The following TP53I13 variants were observed in gnomAD, a reference collection of about 807,000 sequenced individuals.
TP53I13 encodes tumor protein p53-inducible protein 13.
TP53I13 carries 27 observed loss-of-function variants against 39.1 expected under a neutral mutation model. The ratio of observed to expected loss-of-function variants is 0.69; its 90% CI spans 0.51 to 0.95. The LOEUF (loss-of-function observed/expected upper bound fraction) is 0.95. Among genes scored for constraint, TP53I13 ranks in the 40% least tolerant of loss-of-function variants. The pLI is 0.00. For synonymous variants in TP53I13, 230 were observed against 224.6 expected, an observed-to-expected ratio of 1.02 and a Z score of -0.22; for missense variants, 544 against 520.4, an observed-to-expected ratio of 1.05 and a Z score of -0.44.
chr17:29,575,840 G>A, downstream of TP53I13: 1 of 1,612,824 alleles, frequency 6.2e-7, no homozygotes, highest in South Asian at 1.1e-5. This position sits in a 1 kb window ranked among gnomAD's most constrained non-coding sequence, Gnocchi z 5.5. Flanking sequence ...CTGGGAGCAG[G>A]ACAGCAGCGG....
the TP53I13 span, chr17:29,578,598 T>G: frequency 1.1e-6 from 1 of 902,474 alleles, no homozygotes; most frequent in South Asian, 1.3e-5. Flanking sequence ...AGGGGACTGC[T>G]GAGGCCAGTG....
At chr17:29,581,466 C>G in the TP53I13 span, 27 of 1,075,152 alleles carry the variant, frequency 2.5e-5, no homozygotes, top group Non-Finnish European at 3.8e-5. This position sits in a 1 kb window ranked among gnomAD's most constrained non-coding sequence, Gnocchi z 4.8. Flanking sequence ...ATGAGCAGGG[C>G]TGGCACCCAG....
upstream of TP53I13, chr17:29,566,868 G>A (rs1455287551): frequency 6.6e-7 from 1 of 1,504,752 alleles, no homozygotes; most frequent in Admixed American, 2.1e-5. Flanking sequence ...TCCTCTCTCC[G>A]ACGGCGCGCC....
At chr17:29,577,923 G>A (rs537662404), downstream of TP53I13, among the ~76,000 whole-genome samples, 4 of 152,358 alleles carry the variant, frequency 2.6e-5, no homozygotes, top group South Asian at 2.1e-4. Context: ...GGGCGTGGCC[G>A]GCTGGGGACA....
At chr17:29,566,857 G>A, upstream of TP53I13, 4 of 1,509,864 alleles carry the variant, frequency 2.6e-6, no homozygotes, top group South Asian at 4.9e-5. Context: ...CCCCGGCAGG[G>A]TCCTCTCTCC....
chr17:29,582,220 T>C, the TP53I13 span: 1 of 1,145,630 alleles, frequency 8.7e-7, no homozygotes, highest in Non-Finnish European at 1.2e-6. Context: ...GCACCCTGGC[T>C]GCCCCTGGGA....
chr17:29,567,455 G>C (rs1041651373), upstream of TP53I13: 6 of 151,926 alleles, frequency 3.9e-5, no homozygotes. The surrounding 1 kb of genome is among the most constrained non-coding windows in gnomAD (Gnocchi z 6.6). Context: ...GGGACCCCGT[G>C]GGGCGGCGGC....
chr17:29,571,335 C>T, intron 3 of TP53I13: 1 of 505,024 alleles, frequency 2.0e-6, no homozygotes, highest in Non-Finnish European at 3.6e-6. Context: ...TGGTCTGAGT[C>T]TGGCAGGATT....
In TP53I13 at chr17:29,572,451, C is replaced by A; in HGVS notation, c.823C>A (p.Gln275Lys). 7 of 1,577,484 alleles carry A rather than the reference C, an allele frequency of 4.4e-6. No individual in the cohort carries two copies. Among genetic ancestry groups the A allele is most frequent in the Non-Finnish European group, 6.0e-6 (7 of 1,159,152 alleles). The change falls in exon 6 of 7, where the codon CAA (glutamine) becomes AAA (lysine). Residue 275 changes from glutamine (Q) to lysine (K), a missense_variant. Transcript: ENST00000301057. ...GACAGAGGCTCAGGTGCCCAACGGG[C>A]AAGGCAGCCCAGGGGGCTGTGTCTG... ...SRTEAQVPNG[Q>K]GSPGGCVCSS...
At position 29,572,076 on chromosome 17, in the gene TP53I13, A is replaced by G. The variant is rs1400475617; in HGVS notation, c.513+19A>G. ...TGTGCAGGTGAGAGACGCTGGGCCC[A>G]GGCTTGTTGGCCCTCGGGTTCTCTG... On this transcript the variant is annotated intron_variant, in intron 5 of 6. Coordinates refer to ENST00000301057, the MANE Select transcript of TP53I13 (RefSeq NM_138349.4). The G allele has an allele frequency of 6.2e-7, 1 of 1,612,490 alleles. No individual in the cohort carries two copies. The highest frequency in any genetic ancestry group is 8.5e-7 in the Non-Finnish European group (1 of 1,179,632).
upstream of TP53I13, chr17:29,568,644 C>A (rs1328105117): frequency 1.6e-6 from 1 of 644,204 alleles, no homozygotes; most frequent in Non-Finnish European, 1.8e-6. This position sits in a 1 kb window ranked among gnomAD's most constrained non-coding sequence, Gnocchi z 4.5. Flanking sequence ...CCAGGGCCAA[C>A]GGACGCGCGG....
At chr17:29,566,403 C>T, upstream of TP53I13, 1 of 1,611,700 alleles carries the variant, frequency 6.2e-7, no homozygotes, top group Non-Finnish European at 8.5e-7. Flanking sequence ...GGAAGATGAC[C>T]GGGTAGTAGC....
At position 29,572,137 on chromosome 17, in the gene TP53I13, C is replaced by T. The variant is rs1481454106; in HGVS notation, c.514-5C>T. The T allele has an allele frequency of 6.2e-7, 1 of 1,609,042 alleles. No individual in the cohort carries two copies. Among genetic ancestry groups the T allele is most frequent in the Non-Finnish European group, 8.5e-7 (1 of 1,177,320 alleles). On this transcript the variant is annotated splice_region_variant and splice_polypyrimidine_tract_variant and intron_variant, in intron 5 of 6. Transcript: ENST00000301057. ...CAGGGTGATTGCTCTCTCTCCTCTC[C>T]TTAGGCCCTGGCTCTGGCCTTTGCT...
At chr17:29,566,312 C>A (rs1310436511), upstream of TP53I13, 1 of 1,611,792 alleles carries the variant, frequency 6.2e-7, no homozygotes, top group Non-Finnish European at 8.5e-7. Flanking sequence ...ATGTATGTGA[C>A]CGCCTCCTTG....
At chr17:29,571,303 G>A in intron 3 of TP53I13, 1 of 423,812 alleles carries the variant, frequency 2.4e-6, no homozygotes, top group East Asian at 4.5e-5. Flanking sequence ...CGTTACACCT[G>A]CAGGGAAATA....
chr17:29,573,239 G>A (rs2033040787), downstream of TP53I13: 2 of 281,550 alleles, frequency 7.1e-6, no homozygotes, highest in Non-Finnish European at 1.3e-5. Context: ...GGTGTTTGAG[G>A]CAGCCCGCCC....
downstream of TP53I13, chr17:29,575,740 T>A: frequency 2.5e-6 from 4 of 1,610,628 alleles, no homozygotes; most frequent in Non-Finnish European, 3.4e-6. This position sits in a 1 kb window ranked among gnomAD's most constrained non-coding sequence, Gnocchi z 5.5. Flanking sequence ...AGCGCCGTGT[T>A]CCTGGACCCA....
chr17:29,577,338 C>T, downstream of TP53I13: 1 of 999,120 alleles, frequency 1.0e-6, no homozygotes, highest in Admixed American at 1.9e-5. Flanking sequence ...ATGGCTCTGC[C>T]ATTTAATTTA....
At chr17:29,574,978 G>C, downstream of TP53I13, 1 of 1,486,658 alleles carries the variant, frequency 6.7e-7, no homozygotes, top group Admixed American at 1.9e-5. Context: ...TCAGGGCCCA[G>C]TTTGTCTGTG....
Sources: allele counts gnomAD v4.1 joint callset (sites outside exome capture counted in the v4.1 genomes callset), GRCh38; gene constraint gnomAD v4.1.1; non-coding constraint Gnocchi (gnomAD v3.1); transcripts MANE v1.5; gene names NCBI Gene and HGNC (gene_info 2026-07-23, HGNC 2026-07-21).